R3HCC1L: variants seen among roughly 807,000 people sequenced by gnomAD.
R3HCC1L encodes coiled-coil domain-containing protein R3HCC1L.
Under a neutral mutation model 59.9 loss-of-function variants are expected in R3HCC1L, and 51 were observed. That is an observed-to-expected ratio of 0.85 (90% confidence interval 0.68 to 1.07). The LOEUF is 1.07. Among genes scored for constraint, R3HCC1L ranks in the 50% least tolerant of loss-of-function variants. The pLI, the probability that R3HCC1L is intolerant of heterozygous loss-of-function variation, is 0.00. For missense variants in R3HCC1L, 965 were observed against 933.0 expected, an observed-to-expected ratio of 1.03 and a Z score of -0.45; for synonymous variants, 322 against 315.2, an observed-to-expected ratio of 1.02 and a Z score of -0.23.
chr10:98,164,240 G>T (rs183048717), intron 4 of R3HCC1L, among the ~76,000 whole-genome samples: 7 of 152,294 alleles, frequency 4.6e-5, no homozygotes, highest in Admixed American at 3.9e-4. Context: ...ATAGTTTTGT[G>T]CAGCTAAACA....
At chr10:98,196,618 A>G (rs902172722) in intron 4 of R3HCC1L, among the ~76,000 whole-genome samples, 3 of 151,996 alleles carry the variant, frequency 2.0e-5, no homozygotes, top group Admixed American at 1.3e-4. Context: ...ATCCCATACA[A>G]TCAGTCCATA....
At chr10:98,242,614 G>A (rs1857656155) in intron 9 of R3HCC1L, among the ~76,000 whole-genome samples, 1 of 151,992 alleles carries the variant, frequency 6.6e-6, no homozygotes, top group Non-Finnish European at 1.5e-5. Context: ...GTGTGTTATG[G>A]GCCTGTTATA....
intron 1 of R3HCC1L, among the ~76,000 whole-genome samples, chr10:98,149,846 T>A (rs1360023912): frequency 6.6e-6 from 1 of 152,226 alleles, no homozygotes; most frequent in Non-Finnish European, 1.5e-5. Context: ...AGTGTGTAGT[T>A]TAACTCTGAT....
At chr10:98,171,041 AC>A (rs1358771216) in intron 4 of R3HCC1L, among the ~76,000 whole-genome samples, 8 of 152,196 alleles carry the variant, frequency 5.3e-5, no homozygotes, top group Non-Finnish European at 1.2e-4. Flanking sequence ...ATTTGTGGCC[AC>A]CTTCCTTCCC....
intron 4 of R3HCC1L, among the ~76,000 whole-genome samples, chr10:98,183,435 G>T (rs1329238511): frequency 7.4e-5 from 11 of 148,860 alleles, no homozygotes; most frequent in African/African-American, 2.2e-4. Flanking sequence ...GTGGATTTTT[G>T]TTGTTGTTGT....
chr10:98,177,503 G>A (rs538540180), intron 4 of R3HCC1L, among the ~76,000 whole-genome samples: 2 of 152,196 alleles, frequency 1.3e-5, no homozygotes, highest in Non-Finnish European at 2.9e-5. Context: ...GTATGCATGT[G>A]TCTTTATAGT....
At chr10:98,202,152 G>A (rs1852120102) in intron 4 of R3HCC1L, among the ~76,000 whole-genome samples, 1 of 152,050 alleles carries the variant, frequency 6.6e-6, no homozygotes, top group Admixed American at 6.6e-5. Flanking sequence ...AAAATTCCAA[G>A]GCCTGACTGG....
intron 1 of R3HCC1L, among the ~76,000 whole-genome samples, chr10:98,153,080 C>T (rs1846428087): frequency 6.6e-6 from 1 of 152,202 alleles, no homozygotes; most frequent in Non-Finnish European, 1.5e-5. Flanking sequence ...TGAGGAGCCC[C>T]TATACCCGGC....
chr10:98,206,994 G>A (rs180735663), intron 4 of R3HCC1L, among the ~76,000 whole-genome samples: 3 of 152,338 alleles, frequency 2.0e-5, no homozygotes, highest in African/African-American at 7.2e-5. Flanking sequence ...AAAATAACCT[G>A]TGCCATGAGA....
intron 6 of R3HCC1L, among the ~76,000 whole-genome samples, chr10:98,232,530 A>G (rs983284384): frequency 1.3e-5 from 2 of 152,222 alleles, no homozygotes; most frequent in Admixed American, 1.3e-4. Context: ...AGCTTCAGGA[A>G]TAAAGAGATG....
At position 98,199,772 on chromosome 10, in the gene R3HCC1L, C is replaced by T. The variant is rs534426123; in HGVS notation, c.-14-8329C>T. Among the ~76,000 whole-genome samples, 113 of 152,050 alleles carry T rather than the reference C, an allele frequency of 7.4e-4. 1 individual carries two copies. The highest frequency in any genetic ancestry group is 3.4e-3 in the Middle Eastern group (1 of 294). On this transcript the variant is annotated intron_variant, in intron 4 of 9. Coordinates refer to ENST00000298999, the MANE Select transcript of R3HCC1L (RefSeq NM_001351015.2). ...TAGGGACAGTATTCAGAAATGAAAA[C>T]ATTTTACTATATGTATATCATTTTT... is the stretch of plus-strand genomic sequence containing the variant.
At chr10:98,193,533 C>T (rs1461902225) in intron 4 of R3HCC1L, among the ~76,000 whole-genome samples, 2 of 151,956 alleles carry the variant, frequency 1.3e-5, no homozygotes, top group Non-Finnish European at 1.5e-5. Flanking sequence ...GAATAAAATG[C>T]ATAAGAGTAA....
intron 5 of R3HCC1L, among the ~76,000 whole-genome samples, chr10:98,228,261 T>G (rs1408940781): frequency 6.6e-6 from 1 of 152,236 alleles, no homozygotes; most frequent in East Asian, 1.9e-4. Context: ...CCTGACTTTT[T>G]AATGATTGCC....
intron 4 of R3HCC1L, among the ~76,000 whole-genome samples, chr10:98,178,988 A>T (rs1254784092): frequency 1.3e-5 from 2 of 152,210 alleles, no homozygotes; most frequent in Admixed American, 6.5e-5. Context: ...TTTTCTAAAT[A>T]TACAATCATG....
chr10:98,166,841 A>T (rs912258459), intron 4 of R3HCC1L, among the ~76,000 whole-genome samples: 1 of 151,886 alleles, frequency 6.6e-6, no homozygotes, highest in African/African-American at 2.4e-5. Flanking sequence ...AATTTTTTGT[A>T]TTTTTAGTAG....
Position 98,149,998 on chromosome 10 carries a change from G to C in R3HCC1L, c.-267-6095G>C, listed in dbSNP as rs965120295. Among the ~76,000 whole-genome samples the C allele has an allele frequency of 5.3e-5, 8 of 152,244 alleles. No individual in the cohort carries two copies. The South Asian group carries it at 8.3e-4, about 16-fold the overall frequency. ...TTGCTTTTTATACTTGGCAGCGCTG[G>C]TCTTTTTTCTCCTTTAATTGTGTAT... On this transcript the variant is annotated intron_variant, in intron 1 of 9. Transcript: ENST00000298999.
chr10:98,235,258 T>C (rs1429935554), intron 7 of R3HCC1L, among the ~76,000 whole-genome samples, 167 bp from the exon 8 acceptor site: 1 of 152,220 alleles, frequency 6.6e-6, no homozygotes, highest in Non-Finnish European at 1.5e-5. Flanking sequence ...CATAGTTTGC[T>C]GATACCTGAT....
chr10:98,185,010 A>C (rs1850076410), intron 4 of R3HCC1L, among the ~76,000 whole-genome samples: 1 of 152,198 alleles, frequency 6.6e-6, no homozygotes, highest in Non-Finnish European at 1.5e-5. Flanking sequence ...TGCTGGGTTC[A>C]AGAAAATTTG....
intron 9 of R3HCC1L, among the ~76,000 whole-genome samples, chr10:98,240,421 TCTCAGAA>T (rs1857406401): frequency 6.6e-6 from 1 of 152,244 alleles, no homozygotes; most frequent in Non-Finnish European, 1.5e-5. Flanking sequence ...TATCGTTACC[TCTCAGAA>T]TAAGCTATCT....
Sources: allele counts gnomAD v4.1 joint callset (sites outside exome capture counted in the v4.1 genomes callset), GRCh38; gene constraint gnomAD v4.1.1; transcripts MANE v1.5; gene names NCBI Gene and HGNC (gene_info 2026-07-23, HGNC 2026-07-21).